Variants in FER observed in about 807,000 individuals in gnomAD.
FER encodes FER tyrosine kinase.
Under a neutral mutation model 111.0 loss-of-function variants are expected in FER, and 63 were observed. The ratio of observed to expected loss-of-function variants is 0.57; its 90% confidence interval spans 0.46 to 0.70. FER has a LOEUF of 0.70. FER is among the 30% of genes least tolerant of loss of function. The probability of loss-of-function intolerance (pLI) is 0.00; values close to 1 mark genes in which losing one functional copy is unlikely to be tolerated. For synonymous variants in FER, 327 were observed against 313.9 expected, an observed-to-expected ratio of 1.04 and a Z score of -0.44; for missense variants, 914 against 954.0, an observed-to-expected ratio of 0.96 and a Z score of 0.55.
chr5:109,104,387 GAT>G (rs1323596951), intron 17 of FER, among the ~76,000 whole-genome samples: 1 of 152,180 alleles, frequency 6.6e-6, no homozygotes, highest in Non-Finnish European at 1.5e-5. Flanking sequence ...AATGCAAAGA[GAT>G]AGTCAATTTT....
intron 17 of FER, among the ~76,000 whole-genome samples, chr5:109,130,960 C>T (rs990393714): frequency 8.5e-5 from 13 of 152,136 alleles, no homozygotes; most frequent in Admixed American, 5.2e-4. Context: ...CTGTTTTATA[C>T]TTCATACTTT....
intron 13 of FER, among the ~76,000 whole-genome samples, chr5:108,983,335 A>ACTG (rs1271076236): frequency 6.6e-6 from 1 of 152,054 alleles, no homozygotes; most frequent in Non-Finnish European, 1.5e-5. Context: ...TGAGCTCTTT[A>ACTG]CTGCTTCCTC....
chr5:108,958,851 A>G (rs1455188665), intron 12 of FER, among the ~76,000 whole-genome samples: 1 of 151,908 alleles, frequency 6.6e-6, no homozygotes, highest in Non-Finnish European at 1.5e-5. Flanking sequence ...ATGTAGACAT[A>G]TGTAAACATG....
At chr5:109,138,719 G>A (rs887005934) in intron 17 of FER, among the ~76,000 whole-genome samples, 5 of 152,092 alleles carry the variant, frequency 3.3e-5, no homozygotes, top group African/African-American at 1.2e-4. Flanking sequence ...CACAGATTGA[G>A]GGCTGTGAAG....
intron 2 of FER, among the ~76,000 whole-genome samples, chr5:108,769,408 T>A (rs916199284): frequency 6.6e-6 from 1 of 152,138 alleles, no homozygotes; most frequent in Non-Finnish European, 1.5e-5. Flanking sequence ...ACCAGTGTGG[T>A]TGACACAGAG....
chr5:109,123,362 TAG>T (rs1751257361), intron 17 of FER, among the ~76,000 whole-genome samples: 1 of 151,984 alleles, frequency 6.6e-6, no homozygotes, highest in Non-Finnish European at 1.5e-5. Context: ...TTCACCGTGT[TAG>T]CCGGGATGGT....
At chr5:109,146,106 T>C (rs1173826022) in intron 17 of FER, among the ~76,000 whole-genome samples, 2 of 149,186 alleles carry the variant, frequency 1.3e-5, no homozygotes, top group East Asian at 3.9e-4. Context: ...TTATAAAATA[T>C]AGTTTTCCAT....
intron 9 of FER, among the ~76,000 whole-genome samples, chr5:108,886,877 A>G (rs539565129): frequency 6.6e-6 from 1 of 151,920 alleles, no homozygotes; most frequent in South Asian, 2.1e-4. Flanking sequence ...GGTAGGGTTA[A>G]GTTTGCCTTT....
At chr5:109,044,115 G>A (rs576387094) in intron 14 of FER, among the ~76,000 whole-genome samples, 3 of 151,764 alleles carry the variant, frequency 2.0e-5, no homozygotes, top group East Asian at 1.9e-4. Flanking sequence ...TAATGTTTTG[G>A]ATTTAATTTT....
chr5:108,820,331 A>C (rs1461133411), intron 3 of FER: 2 of 985,306 alleles, frequency 2.0e-6, no homozygotes, highest in African/African-American at 3.5e-5. Context: ...TATTTTATTC[A>C]ATGCTTAATT....
At chr5:109,037,261 AT>A (rs576775999) in intron 13 of FER, among the ~76,000 whole-genome samples, 160 bp from the exon 14 acceptor site, 2 of 152,166 alleles carry the variant, frequency 1.3e-5, no homozygotes, top group African/African-American at 4.8e-5. Context: ...CGTTTCTTAA[AT>A]TTGTTTTACA....
rs1751287738 is a variant in FER, at chr5:108,909,726, A to G, written c.1236+11878A>G. The stretch of plus-strand genomic sequence containing the variant: ...CACATAGTTAAGAAACAATCTTCGG[A>G]CAGACTAATAGAGAAGAATACTTCG... On this transcript the variant is annotated intron_variant, in intron 10 of 19. Transcript: ENST00000281092. Among the ~76,000 whole-genome samples the G allele has an allele frequency of 1.3e-5, 2 of 151,832 alleles. 1 individual carries two copies. The highest frequency in any genetic ancestry group is 1.3e-4 in the Admixed American group (2 of 15,238).
chr5:109,146,158 G>C (rs1754081895), intron 17 of FER, among the ~76,000 whole-genome samples: 1 of 113,888 alleles, frequency 8.8e-6, no homozygotes, highest in African/African-American at 3.1e-5. Flanking sequence ...GGGACTGATA[G>C]AATTACAGAA....
intron 17 of FER, among the ~76,000 whole-genome samples, chr5:109,167,907 A>C (rs1756722194): frequency 6.6e-6 from 1 of 152,188 alleles, no homozygotes; most frequent in Non-Finnish European, 1.5e-5. Flanking sequence ...AAAATAGCTG[A>C]GGGTAAAGAA....
At chr5:109,138,123 A>G (rs754203525) in intron 17 of FER, among the ~76,000 whole-genome samples, 1 of 152,214 alleles carries the variant, frequency 6.6e-6, no homozygotes, top group Non-Finnish European at 1.5e-5. Context: ...GGAACAAAGC[A>G]TGTACAGGAA....
At chr5:109,001,749 C>T (rs1315604398) in intron 13 of FER, among the ~76,000 whole-genome samples, 1 of 152,116 alleles carries the variant, frequency 6.6e-6, no homozygotes, top group Non-Finnish European at 1.5e-5. Flanking sequence ...CGTCTTAGCC[C>T]AAAATCTCCT....
At chr5:109,046,874 A>T (rs62377130) in intron 15 of FER, among the ~76,000 whole-genome samples, 7 of 152,128 alleles carry the variant, frequency 4.6e-5, no homozygotes, top group Non-Finnish European at 8.8e-5. Context: ...AGACTTTAAC[A>T]TGCATAGATT....
At chr5:108,955,026 C>A in intron 12 of FER, 94 bp downstream of exon 12, 3 of 1,070,316 alleles carry the variant, frequency 2.8e-6, no homozygotes, top group Admixed American at 2.7e-5. Context: ...TAAATGCCTG[C>A]AACACTTGAA....
Position 108,976,243 on chromosome 5 carries a change from T to C in FER, c.1656+16896T>C, listed in dbSNP as rs905609546. Among the ~76,000 whole-genome samples the C allele has an allele frequency of 2.0e-5, 3 of 152,208 alleles. No homozygotes were observed. In the East Asian group the frequency reaches 5.8e-4, roughly 29 times the overall value. ...AGGCTTTCATCACTTTAAACCTAGA[T>C]TGCTGATAACTCATCTACTTCTCTT... On this transcript the variant is annotated intron_variant, in intron 13 of 19. Transcript: ENST00000281092.
Sources: gnomAD v4.1 joint callset for allele counts (sites outside exome capture counted in the v4.1 genomes callset) on GRCh38, gnomAD v4.1.1 for gene constraint, MANE v1.5 for transcripts, NCBI Gene and HGNC (gene_info 2026-07-23, HGNC 2026-07-21) for gene names.